The following AGAP3 variants were observed in gnomAD, a reference collection of about 807,000 sequenced individuals.
AGAP3 encodes arf-GAP with GTPase, ANK repeat and PH domain-containing protein 3.
AGAP3 carries 24 observed loss-of-function variants against 96.9 expected under a neutral mutation model. The observed-to-expected ratio is 0.25, with a 90% confidence interval of 0.18 to 0.35. AGAP3 has a LOEUF of 0.35. AGAP3 is among the 10% of genes least tolerant of loss of function. The probability of loss-of-function intolerance (pLI) is 1.00; values close to 1 mark genes in which losing one functional copy is unlikely to be tolerated. For missense variants in AGAP3, 876 were observed against 1,254.2 expected, an observed-to-expected ratio of 0.70 and a Z score of 4.55; for synonymous variants, 563 against 536.1, an observed-to-expected ratio of 1.05 and a Z score of -0.69.
rs776190317 is a variant in AGAP3 at position 151,116,774 on chromosome 7, G to A, written c.332-19G>A. ...TGTGTGCCACCCTGGCCCTGACGGG[G>A]CGGCTCTGTCTTCCGCAGACTCGTT... On this transcript the variant is annotated intron_variant, in intron 1 of 17. Coordinates refer to ENST00000397238, the MANE Select transcript of AGAP3 (RefSeq NM_031946.7). The A allele has an allele frequency of 6.2e-7, 1 of 1,614,072 alleles. No individual in the cohort carries two copies. Among genetic ancestry groups the A allele is most frequent in the Non-Finnish European group, 8.5e-7 (1 of 1,180,004 alleles).
At chr7:151,116,666 C>A in intron 1 of AGAP3, 127 bp from the exon 2 acceptor site, 2 of 994,244 alleles carry the variant, frequency 2.0e-6, no homozygotes, top group Non-Finnish European at 3.2e-6. Flanking sequence ...GGTTGGGGGT[C>A]CCGTGGAGGA....
In AGAP3 at chr7:151,128,781, G is replaced by A. The variant is rs1483625692; in HGVS notation, c.1326+97G>A. The A allele has an allele frequency of 2.9e-6, 3 of 1,033,726 alleles. No individual in the cohort carries two copies. The African/African-American group carries it at 4.7e-5, about 16-fold the overall frequency. The allele number at this position is 1,033,726 out of a possible 1,614,324, so 64.0% of individuals were successfully genotyped here. ...AGCAGACAGGCTCCAGGATGGACGG[G>A]AAGCAGACCTTAGTGATTTCAAATG... On this transcript the variant is annotated intron_variant, in intron 10 of 17. Coordinates refer to ENST00000397238, the MANE Select transcript of AGAP3 (RefSeq NM_031946.7).
rs1026800261 is a variant in AGAP3, at chr7:151,118,461, C to T, written c.842-44C>T. On this transcript the variant is annotated intron_variant, in intron 6 of 17. Coordinates refer to ENST00000397238, the MANE Select transcript of AGAP3 (RefSeq NM_031946.7). This position sits in a 1 kb window ranked among gnomAD's most constrained non-coding sequence, Gnocchi z 6.1. ...GGGGGAGGTGCTAAGCCAGGCTTTT[C>T]CCTTCTCTCCAGTGGGTATAATTGA... 2 of 1,605,784 alleles carry T rather than the reference C, an allele frequency of 1.2e-6. No homozygotes were observed. Among genetic ancestry groups the T allele is most frequent in the Non-Finnish European group, 1.7e-6 (2 of 1,173,064 alleles).
chr7:151,116,891 G>C (rs766647711), intron 2 of AGAP3, 40 bp downstream of exon 2: 7 of 1,551,358 alleles, frequency 4.5e-6, no homozygotes, highest in African/African-American at 1.5e-5. Flanking sequence ...GCCTGGAGCT[G>C]GGGGGGCGAG....
At chr7:151,124,568 G>T (rs1274155193) in intron 9 of AGAP3, among the ~76,000 whole-genome samples, 1 of 152,240 alleles carries the variant, frequency 6.6e-6, no homozygotes, top group Non-Finnish European at 1.5e-5. Context: ...ACTTGGCACA[G>T]AATTTTTTGG....
At chr7:151,117,818 T>C (rs1585075331) in intron 5 of AGAP3, 41 bp downstream of exon 5, 2 of 1,573,424 alleles carry the variant, frequency 1.3e-6, no homozygotes, top group Non-Finnish European at 1.7e-6. Flanking sequence ...GAGCAGGAAG[T>C]CCCGGGCAAC....
intron 8 of AGAP3, chr7:151,122,880 C>T (rs1799976566): frequency 1.9e-6 from 3 of 1,554,520 alleles, no homozygotes; most frequent in Middle Eastern, 1.7e-4. Flanking sequence ...AGATGAGAAG[C>T]GGCCGCCGAG....
chr7:151,128,566 A>G lies in AGAP3; in HGVS notation c.1222-14A>G. 6.2e-7 allele frequency: 1 copy of G among 1,612,272 alleles called. No individual in the cohort carries two copies. The highest frequency in any genetic ancestry group is 8.5e-7 in the Non-Finnish European group (1 of 1,178,910). On this transcript the variant is annotated splice_polypyrimidine_tract_variant and intron_variant, in intron 9 of 17. Coordinates refer to ENST00000397238, the MANE Select transcript of AGAP3 (RefSeq NM_031946.7). ...GGGCTGGCTCCTGGTTTCTGATCAG[A>G]CCTCTGTTCTCAGGGGATCCTGCTA...
intron 1 of AGAP3, among the ~76,000 whole-genome samples, chr7:151,099,014 G>T (rs533417943): frequency 6.6e-5 from 10 of 151,918 alleles, no homozygotes; most frequent in African/African-American, 1.9e-4. Flanking sequence ...GGGATTATAG[G>T]TGTGAGCCAT....
chr7:151,128,027 C>G (rs974975731), intron 9 of AGAP3, among the ~76,000 whole-genome samples: 2 of 152,144 alleles, frequency 1.3e-5, no homozygotes, highest in African/African-American at 2.4e-5. Context: ...GGAGGGAAGG[C>G]TGGGTCTTCC....
chr7:151,121,807 C>G (rs913758730), intron 8 of AGAP3, among the ~76,000 whole-genome samples: 7 of 152,188 alleles, frequency 4.6e-5, no homozygotes, highest in African/African-American at 1.7e-4. Context: ...AAGACGCGTC[C>G]GTCTCTGTGG....
intron 9 of AGAP3, among the ~76,000 whole-genome samples, chr7:151,125,194 C>T (rs947258289): frequency 6.6e-6 from 1 of 152,182 alleles, no homozygotes; most frequent in African/African-American, 2.4e-5. Flanking sequence ...ATGGGGAGTG[C>T]AAGGGAAGGC....
chr7:151,123,038 G>A (rs775646999), intron 8 of AGAP3: 2 of 1,337,302 alleles, frequency 1.5e-6, no homozygotes, highest in Non-Finnish European at 1.9e-6. Flanking sequence ...AGGCAGCTCG[G>A]CCCCACGCCC....
At chr7:151,098,925 G>A (rs1426123979) in intron 1 of AGAP3, among the ~76,000 whole-genome samples, 3 of 151,268 alleles carry the variant, frequency 2.0e-5, no homozygotes, top group Non-Finnish European at 2.9e-5. Flanking sequence ...TAGTGGAGAC[G>A]GGGTTTCACC....
At chr7:151,095,142 C>CT (rs1350187510) in intron 1 of AGAP3, among the ~76,000 whole-genome samples, 2 of 152,174 alleles carry the variant, frequency 1.3e-5, no homozygotes, top group Non-Finnish European at 2.9e-5. Context: ...CCCAATGTTA[C>CT]TTTTTCTTAT....
intron 8 of AGAP3, 70 bp from the exon 9 acceptor site, chr7:151,123,724 G>A (rs1800030447): frequency 3.8e-6 from 6 of 1,592,268 alleles, no homozygotes; most frequent in African/African-American, 1.3e-5. Flanking sequence ...GAGGGAGGCC[G>A]GGAAGTCCAG....
At position 151,100,240 on chromosome 7, in the gene AGAP3, G is replaced by A. The variant is rs563866728; in HGVS notation, c.331+13168G>A. 2.0e-4 allele frequency among the ~76,000 whole-genome samples: 31 copies of A among 152,136 alleles called. 1 individual carries two copies. Among genetic ancestry groups the A allele is most frequent in the Non-Finnish European group, 2.8e-4 (19 of 68,026 alleles). ...CGGTGCTGTTTTGGAGGGAGATGCC[G>A]TCCTGAACCCATGTTACTAGATTCT... On this transcript the variant is annotated intron_variant, in intron 1 of 17. Coordinates refer to ENST00000397238, the MANE Select transcript of AGAP3 (RefSeq NM_031946.7).
chr7:151,122,542 C>CTCCTTCTCCTCCTCCTCCTTG (rs1187988056), intron 8 of AGAP3, among the ~76,000 whole-genome samples: 1 of 151,750 alleles, frequency 6.6e-6, no homozygotes, highest in Non-Finnish European at 1.5e-5. Flanking sequence ...CCTGGTCCTC[C>CTCCTTCTCCTCCTCCTCCTTG]TCCTTCTCCT....
rs1263682718 is a variant in AGAP3 at position 151,112,593 on chromosome 7, TC to T, written c.332-4198del. Among the ~76,000 whole-genome samples the T allele has an allele frequency of 2.0e-5, 3 of 152,140 alleles. No individual in the cohort carries two copies. In the East Asian group the frequency reaches 5.8e-4, roughly 29 times the overall value. On this transcript the variant is annotated intron_variant, in intron 1 of 17. Coordinates refer to ENST00000397238, the MANE Select transcript of AGAP3 (RefSeq NM_031946.7). The stretch of plus-strand genomic sequence containing the variant: ...CAGAGGTCGGCTCCCATAGCTGCTG[TC>T]CTGTGCTTGCTTCTTATTTATTGAG...
Sources: gnomAD v4.1 joint callset for allele counts (sites outside exome capture counted in the v4.1 genomes callset) on GRCh38, gnomAD v4.1.1 for gene constraint, Gnocchi (gnomAD v3.1) non-coding constraint, MANE v1.5 for transcripts, NCBI Gene and HGNC (gene_info 2026-07-23, HGNC 2026-07-21) for gene names.